Variants in RYR2 observed in about 807,000 individuals in gnomAD.
RYR2 encodes cardiac muscle ryanodine receptor-calcium release channel.
A neutral mutation model predicts 601.1 loss-of-function variants in RYR2; 227 were observed. That is an observed-to-expected ratio of 0.38 (90% CI 0.34 to 0.42). RYR2 has a LOEUF of 0.42. Ranked by LOEUF, RYR2 falls within the 10% of genes least tolerant of loss-of-function variation. RYR2 has a pLI of 1.00. For synonymous variants in RYR2, 2,223 were observed against 2,175.1 expected, an observed-to-expected ratio of 1.02 and a Z score of -0.61; for missense variants, 4,646 against 6,156.5, an observed-to-expected ratio of 0.75 and a Z score of 8.21.
At chr1:237,471,873 AT>A (rs1385454453) in intron 17 of RYR2, among the ~76,000 whole-genome samples, 52 of 151,812 alleles carry the variant, frequency 3.4e-4, no homozygotes, top group Admixed American at 3.4e-3. Flanking sequence ...CTTAGAGTAT[AT>A]TTAATCTAAC....
intron 2 of RYR2, among the ~76,000 whole-genome samples, chr1:237,286,046 C>T (rs993733989): frequency 3.8e-4 from 57 of 151,782 alleles, no homozygotes; most frequent in African/African-American, 1.4e-3. Context: ...TTGGTTATTT[C>T]TTTCTTCTGC....
chr1:237,684,359 C>T (rs1304758118), intron 62 of RYR2, among the ~76,000 whole-genome samples: 3 of 152,076 alleles, frequency 2.0e-5, no homozygotes, highest in Non-Finnish European at 2.9e-5. Context: ...GCCAAGTAGA[C>T]ACGTACATAT....
chr1:237,062,566 C>T (rs1347208122), intron 1 of RYR2, among the ~76,000 whole-genome samples: 1 of 151,896 alleles, frequency 6.6e-6, no homozygotes, highest in Non-Finnish European at 1.5e-5. Flanking sequence ...TACATTTGAC[C>T]TTGTATCTAG....
At chr1:237,726,155 C>A in intron 74 of RYR2, 118 bp from the exon 75 acceptor site, 1 of 746,652 alleles carries the variant, frequency 1.3e-6, no homozygotes, top group Non-Finnish European at 2.2e-6. Flanking sequence ...CCACCGCAGT[C>A]CAAACATTTT....
rs544239570 is a variant in RYR2, at chr1:237,643,761, C to T, written c.7342+314C>T. ...CCAAGTAGCTGGGACTACAGGCGCC[C>T]GTCACCATGCCCGGCTAATTTTTTT... On this transcript the variant is annotated intron_variant, in intron 48 of 104. Coordinates refer to ENST00000366574, the MANE Select transcript of RYR2 (RefSeq NM_001035.3). 5.3e-5 allele frequency among the ~76,000 whole-genome samples: 8 copies of T among 151,646 alleles called. No individual in the cohort carries two copies. The South Asian group carries it at 8.4e-4, about 16-fold the overall frequency.
intron 1 of RYR2, among the ~76,000 whole-genome samples, chr1:237,243,600 TG>T (rs1376085955): frequency 6.6e-6 from 1 of 152,106 alleles, no homozygotes; most frequent in Non-Finnish European, 1.5e-5. Flanking sequence ...AGCTTCTTGA[TG>T]TTGGCATTCC....
chr1:237,254,448 C>G (rs1687756935), intron 1 of RYR2, among the ~76,000 whole-genome samples: 2 of 152,164 alleles, frequency 1.3e-5, no homozygotes, highest in South Asian at 4.1e-4. Flanking sequence ...TTTTCAGTAT[C>G]TCTCTTTAAA....
At chr1:237,520,616 G>A (rs182574047) in intron 24 of RYR2, among the ~76,000 whole-genome samples, 1 of 152,118 alleles carries the variant, frequency 6.6e-6, no homozygotes, top group Admixed American at 6.5e-5. Context: ...TTATTGATTT[G>A]CAGATGTTGA....
chr1:237,405,125 G>C (rs1703731661), intron 10 of RYR2, among the ~76,000 whole-genome samples: 1 of 152,112 alleles, frequency 6.6e-6, no homozygotes, highest in African/African-American at 2.4e-5. Flanking sequence ...TGAAGTCAGG[G>C]GTAACTGATT....
At chr1:237,469,051 A>C (rs1455304741) in intron 16 of RYR2, 41 bp from the exon 17 acceptor site, 1 of 1,546,050 alleles carries the variant, frequency 6.5e-7, no homozygotes, top group Admixed American at 1.7e-5. Context: ...TTTTCGAGCT[A>C]GAAAATCACA....
chr1:237,488,046 C>A (rs187545691), intron 17 of RYR2, among the ~76,000 whole-genome samples: 3 of 152,194 alleles, frequency 2.0e-5, no homozygotes, highest in African/African-American at 7.2e-5. Flanking sequence ...CACTTTGTGA[C>A]ATACGCTATT....
chr1:237,333,531 C>T lies in RYR2; in HGVS notation c.273+2549C>T, dbSNP rs1056152916. 6 of 451,442 alleles carry T rather than the reference C, an allele frequency of 1.3e-5. No homozygotes were observed. In the East Asian group the frequency reaches 4.2e-4, roughly 31 times the overall value. 28.0% of individuals were successfully genotyped at this position (451,442 alleles called of 1,614,324 possible). On this transcript the variant is annotated intron_variant, in intron 3 of 104. Coordinates refer to ENST00000366574, the MANE Select transcript of RYR2 (RefSeq NM_001035.3). ...CTGGGGTGGTCAGGGTTAGGGAGCA[C>T]TGTGGGGACTTGCGGCAGCAACTGT...
intron 24 of RYR2, among the ~76,000 whole-genome samples, chr1:237,525,911 C>T (rs1473202450): frequency 4.6e-5 from 7 of 151,450 alleles, no homozygotes; most frequent in Non-Finnish European, 8.8e-5. Context: ...ACCCGGGAGG[C>T]GGAGGTTGCA....
At chr1:237,829,635 T>TGGG (rs1663554270) in intron 102 of RYR2, among the ~76,000 whole-genome samples, 1 of 152,180 alleles carries the variant, frequency 6.6e-6, no homozygotes, top group African/African-American at 2.4e-5. Context: ...AGTTGCTCAA[T>TGGG]GTGACCTATC....
intron 10 of RYR2, among the ~76,000 whole-genome samples, chr1:237,401,579 C>T (rs1206331825): frequency 6.6e-6 from 1 of 152,170 alleles, no homozygotes; most frequent in Admixed American, 6.5e-5. Flanking sequence ...GCTTCTCGTT[C>T]CCTGTGGAAT....
chr1:237,305,155 C>T (rs1410012828), intron 2 of RYR2, among the ~76,000 whole-genome samples: 1 of 152,094 alleles, frequency 6.6e-6, no homozygotes, highest in Non-Finnish European at 1.5e-5. Context: ...TATATTCTAG[C>T]AAGACTTTTG....
In RYR2 at chr1:237,181,622, C is replaced by T. The variant is rs140021778; in HGVS notation, c.49-88875C>T. ...ATACATACAATTGGCTCTGGTATGCCTCAACTAGAAATAAAGCAGTACATA... is the reference window on the plus strand; with the variant it reads ...ATACATACAATTGGCTCTGGTATGCTTCAACTAGAAATAAAGCAGTACATA... On this transcript the variant is annotated intron_variant, in intron 1 of 104. Coordinates refer to ENST00000366574, the MANE Select transcript of RYR2 (RefSeq NM_001035.3). Among the ~76,000 whole-genome samples, 12 of 152,218 alleles carry T rather than the reference C, an allele frequency of 7.9e-5. No individual in the cohort carries two copies. In the South Asian group the frequency reaches 1.7e-3, roughly 21 times the overall value.
intron 55 of RYR2, among the ~76,000 whole-genome samples, chr1:237,660,506 C>T (rs1683680527): frequency 6.6e-6 from 1 of 152,072 alleles, no homozygotes; most frequent in Non-Finnish European, 1.5e-5. Flanking sequence ...TTGTGAGTCA[C>T]ATGTATATTA....
At chr1:237,530,671 A>C (rs1395226990) in intron 25 of RYR2, among the ~76,000 whole-genome samples, 161 bp downstream of exon 25, 2 of 152,160 alleles carry the variant, frequency 1.3e-5, no homozygotes, top group Non-Finnish European at 2.9e-5. Flanking sequence ...GCACTTTGGG[A>C]GGCCAAGGCA....
Sources: allele counts gnomAD v4.1 joint callset (sites outside exome capture counted in the v4.1 genomes callset), GRCh38; gene constraint gnomAD v4.1.1; transcripts MANE v1.5; gene names NCBI Gene and HGNC (gene_info 2026-07-23, HGNC 2026-07-21).